Variants in SV2C observed in about 807,000 individuals in gnomAD.
SV2C encodes solute carrier family 22 member B3.
In SV2C, 49 loss-of-function variants were observed where a neutral mutation model predicts 79.7. That is an observed-to-expected ratio of 0.61 (90% CI 0.49 to 0.78). The LOEUF (loss-of-function observed/expected upper bound fraction) is 0.78. Among genes scored for constraint, SV2C ranks in the 30% least tolerant of loss-of-function variants. The probability of loss-of-function intolerance (pLI) is 0.00; values close to 1 mark genes in which losing one functional copy is unlikely to be tolerated. For synonymous variants in SV2C, 334 were observed against 333.2 expected (o/e 1.00, Z -0.03); for missense variants, 833 against 912.9 (o/e 0.91, Z 1.13).
intron 2 of SV2C, among the ~76,000 whole-genome samples, chr5:76,162,877 G>C (rs1254606120): frequency 6.6e-6 from 1 of 152,200 alleles, no homozygotes; most frequent in Non-Finnish European, 1.5e-5. Flanking sequence ...AAGTTTGCCT[G>C]ATGTCTTTAG....
intron 12 of SV2C, among the ~76,000 whole-genome samples, chr5:76,302,793 A>G (rs979996446): frequency 3.3e-5 from 5 of 152,008 alleles, no homozygotes; most frequent in African/African-American, 1.2e-4. Flanking sequence ...AGACAAATGG[A>G]CTTTGCCTTC....
intron 2 of SV2C, among the ~76,000 whole-genome samples, chr5:76,191,205 C>T (rs191124669): frequency 4.6e-4 from 70 of 152,170 alleles, no homozygotes; most frequent in African/African-American, 1.4e-3. Context: ...CACTTTTAAA[C>T]AACCAGATCT....
At chr5:76,065,120 A>G in the SV2C span, among the ~76,000 whole-genome samples, 1 of 152,204 alleles carries the variant, frequency 6.6e-6, no homozygotes, top group Non-Finnish European at 1.5e-5. Context: ...TACGTATAAT[A>G]TAAAAACAAG....
At chr5:76,261,904 CT>C (rs764263234) in intron 4 of SV2C, among the ~76,000 whole-genome samples, 35 of 152,224 alleles carry the variant, frequency 2.3e-4, no homozygotes, top group Admixed American at 9.2e-4. Flanking sequence ...CTGGAATTTC[CT>C]TTTTCAGTTG....
chr5:75,869,661 A>G, the SV2C span, among the ~76,000 whole-genome samples: 1 of 152,146 alleles, frequency 6.6e-6, no homozygotes, highest in Non-Finnish European at 1.5e-5. Context: ...TTGAGTAAAC[A>G]TAGGTGGTAG....
intron 4 of SV2C, among the ~76,000 whole-genome samples, chr5:76,271,460 C>A (rs1228336252): frequency 1.3e-5 from 2 of 152,124 alleles, no homozygotes; most frequent in African/African-American, 2.4e-5. Context: ...ACACAATCAA[C>A]AAACTTGACC....
chr5:75,921,752 A>G, the SV2C span: 1 of 380,448 alleles, frequency 2.6e-6, no homozygotes, highest in Non-Finnish European at 5.0e-6. Context: ...TTGTTTCAGA[A>G]GCTCATGGTA....
At chr5:75,997,157 C>A in the SV2C span, among the ~76,000 whole-genome samples, 1 of 151,748 alleles carries the variant, frequency 6.6e-6, no homozygotes, top group African/African-American at 2.4e-5. Context: ...GAGATACGTC[C>A]CATCAATACC....
intron 4 of SV2C, among the ~76,000 whole-genome samples, chr5:76,273,326 T>C (rs1746930946): frequency 6.6e-6 from 1 of 152,012 alleles, no homozygotes; most frequent in African/African-American, 2.4e-5. Flanking sequence ...TGCTGTCAGC[T>C]TTTTTCAACT....
chr5:76,003,940 C>T, the SV2C span, among the ~76,000 whole-genome samples: 61 of 151,952 alleles, frequency 4.0e-4, no homozygotes, highest in African/African-American at 1.3e-3. Context: ...AGAGAGAAAC[C>T]AGAGGAGAAG....
In SV2C at chr5:76,258,543, T is replaced by G. The variant is rs555643677; in HGVS notation, c.914-26619T>G. ...GAATCCTTACAACCAGTTGAAATAG[T>G]GCGAAATCCACAGCAATACCATTTT... On this transcript the variant is annotated intron_variant, in intron 4 of 12. Transcript: ENST00000502798. 9.2e-5 allele frequency among the ~76,000 whole-genome samples: 14 copies of G among 152,304 alleles called. No individual in the cohort carries two copies. In the East Asian group the frequency reaches 2.5e-3, roughly 27 times the overall value.
chr5:75,964,051 A>G, the SV2C span, among the ~76,000 whole-genome samples: 1 of 152,078 alleles, frequency 6.6e-6, no homozygotes. Context: ...CTTTGAGGAC[A>G]TTACAAGGGG....
chr5:76,048,721 A>G, the SV2C span, among the ~76,000 whole-genome samples: 1 of 151,914 alleles, frequency 6.6e-6, no homozygotes, highest in South Asian at 2.1e-4. Context: ...AAGACCGTGT[A>G]AGAACACAGT....
intron 4 of SV2C, among the ~76,000 whole-genome samples, chr5:76,232,606 G>A (rs1335879252): frequency 2.0e-5 from 3 of 150,976 alleles, no homozygotes; most frequent in South Asian, 2.1e-4. Context: ...ATCTTGAATT[G>A]GTTTTTGTAT....
intron 2 of SV2C, among the ~76,000 whole-genome samples, chr5:76,188,055 T>C (rs547255136): frequency 1.3e-5 from 2 of 152,202 alleles, no homozygotes; most frequent in African/African-American, 2.4e-5. Context: ...GCTCAGGAGT[T>C]AGAGACCAGG....
intron 8 of SV2C, among the ~76,000 whole-genome samples, chr5:76,292,398 A>G (rs1403100760): frequency 6.6e-6 from 1 of 152,098 alleles, no homozygotes; most frequent in Non-Finnish European, 1.5e-5. Context: ...ACCTTCTAAT[A>G]TGCAAAACAC....
At chr5:75,901,095 A>T in the SV2C span, among the ~76,000 whole-genome samples, 1 of 152,220 alleles carries the variant, frequency 6.6e-6, no homozygotes, top group South Asian at 2.1e-4. Flanking sequence ...TGTCAAAGTC[A>T]TTCTCCGTCC....
chr5:75,919,291 C>T, the SV2C span, among the ~76,000 whole-genome samples: 1 of 152,328 alleles, frequency 6.6e-6, no homozygotes, highest in South Asian at 2.1e-4. Flanking sequence ...ACCGGGCCCT[C>T]CCCTATCGGT....
chr5:75,946,280 G>A, the SV2C span, among the ~76,000 whole-genome samples: 1 of 152,038 alleles, frequency 6.6e-6, no homozygotes, highest in African/African-American at 2.4e-5. Flanking sequence ...TTATGTTTTT[G>A]CATATGAATA....
Sources: gnomAD v4.1 joint callset for allele counts (sites outside exome capture counted in the v4.1 genomes callset) on GRCh38, gnomAD v4.1.1 for gene constraint, MANE v1.5 for transcripts, NCBI Gene and HGNC (gene_info 2026-07-23, HGNC 2026-07-21) for gene names.